ARHGAP15: variants seen among roughly 807,000 people sequenced by gnomAD.
The protein encoded by ARHGAP15 is rho GTPase-activating protein 15.
In ARHGAP15, 51 loss-of-function variants were observed where a neutral mutation model predicts 63.7. The observed-to-expected ratio is 0.80, with a 90% confidence interval of 0.64 to 1.01. The LOEUF is 1.01. Among genes scored for constraint, ARHGAP15 ranks in the 50% least tolerant of loss-of-function variants. The pLI, the probability that ARHGAP15 is intolerant of heterozygous loss-of-function variation, is 0.00. For synonymous variants in ARHGAP15, 191 were observed against 193.8 expected, an observed-to-expected ratio of 0.99 and a Z score of 0.12; for missense variants, 560 against 564.6, an observed-to-expected ratio of 0.99 and a Z score of 0.08.
chr2:143,177,814 A>G (rs1205977388), intron 2 of ARHGAP15, among the ~76,000 whole-genome samples: 1 of 152,184 alleles, frequency 6.6e-6, no homozygotes, highest in Non-Finnish European at 1.5e-5. Flanking sequence ...CATTAAAGAC[A>G]TTTGCAAAAA....
intron 8 of ARHGAP15, among the ~76,000 whole-genome samples, chr2:143,445,466 A>G (rs553364124): frequency 5.1e-4 from 77 of 152,164 alleles, no homozygotes; most frequent in Non-Finnish European, 6.9e-4. Flanking sequence ...CAGCCAGATT[A>G]AGAACAATTT....
At chr2:143,470,679 A>G (rs528146042) in intron 8 of ARHGAP15, among the ~76,000 whole-genome samples, 12 of 140,776 alleles carry the variant, frequency 8.5e-5, no homozygotes, top group Admixed American at 2.3e-4. Flanking sequence ...ATGTGTGTGT[A>G]TATATATATG....
At chr2:143,498,060 C>T (rs1278859929) in intron 9 of ARHGAP15, among the ~76,000 whole-genome samples, 1 of 152,168 alleles carries the variant, frequency 6.6e-6, no homozygotes, top group Admixed American at 6.5e-5. Flanking sequence ...AGAGAGTGCT[C>T]TTTTATTTCC....
intron 6 of ARHGAP15, among the ~76,000 whole-genome samples, chr2:143,402,464 T>C (rs796760972): frequency 2.2e-4 from 32 of 142,238 alleles, no homozygotes; most frequent in African/African-American, 9.7e-4. Context: ...GGCTTATTAG[T>C]GACAGAGAAA....
intron 13 of ARHGAP15, among the ~76,000 whole-genome samples, chr2:143,754,807 C>T (rs534645310): frequency 3.9e-5 from 6 of 152,332 alleles, no homozygotes; most frequent in African/African-American, 1.4e-4. Context: ...TATCTACCTT[C>T]CAATCTACTG....
chr2:143,361,395 G>A (rs1158891053), intron 6 of ARHGAP15, among the ~76,000 whole-genome samples: 1 of 152,118 alleles, frequency 6.6e-6, no homozygotes, highest in East Asian at 1.9e-4. Flanking sequence ...AGAGACCTCT[G>A]TATTTCCGTA....
At chr2:143,134,469 A>T (rs1225954895) in intron 1 of ARHGAP15, among the ~76,000 whole-genome samples, 1 of 152,168 alleles carries the variant, frequency 6.6e-6, no homozygotes, top group Non-Finnish European at 1.5e-5. Flanking sequence ...TTTTTAAAAG[A>T]TTAAAGGTCG....
intron 2 of ARHGAP15, among the ~76,000 whole-genome samples, chr2:143,183,592 G>A (rs1691322816): frequency 6.6e-6 from 1 of 152,036 alleles, no homozygotes; most frequent in African/African-American, 2.4e-5. Flanking sequence ...CACAAAGGGG[G>A]AATAAAAGTG....
intron 6 of ARHGAP15, among the ~76,000 whole-genome samples, chr2:143,301,772 C>CAT (rs749499930): frequency 4.6e-5 from 7 of 151,316 alleles, no homozygotes; most frequent in Admixed American, 2.0e-4. Context: ...ATAATACATA[C>CAT]ATGGACGGAT....
intron 8 of ARHGAP15, among the ~76,000 whole-genome samples, chr2:143,446,422 C>G (rs1690140511): frequency 6.6e-6 from 1 of 151,844 alleles, no homozygotes; most frequent in African/African-American, 2.4e-5. Context: ...GCAGCATAAA[C>G]AAATGCGTAA....
At chr2:143,441,711 C>A (rs979275257) in intron 8 of ARHGAP15, among the ~76,000 whole-genome samples, 1 of 152,048 alleles carries the variant, frequency 6.6e-6, no homozygotes, top group African/African-American at 2.4e-5. Flanking sequence ...AAAACTGACA[C>A]TTTAGTATTG....
intron 9 of ARHGAP15, among the ~76,000 whole-genome samples, chr2:143,493,877 C>T (rs1006839300): frequency 2.6e-5 from 4 of 152,192 alleles, no homozygotes; most frequent in Non-Finnish European, 5.9e-5. Flanking sequence ...TGCCCACACA[C>T]TCGATCAGTA....
At chr2:143,404,471 T>C (rs1404092714) in intron 6 of ARHGAP15, among the ~76,000 whole-genome samples, 1 of 151,906 alleles carries the variant, frequency 6.6e-6, no homozygotes, top group Non-Finnish European at 1.5e-5. Context: ...TTTAATCTAA[T>C]ACAAAAATTT....
chr2:143,583,538 T>G (rs935029812), intron 11 of ARHGAP15, among the ~76,000 whole-genome samples: 4 of 149,320 alleles, frequency 2.7e-5, no homozygotes, highest in Admixed American at 6.7e-5. Flanking sequence ...ATGGGGGGGG[T>G]GGAAGAGGTC....
At position 143,538,892 on chromosome 2, in the gene ARHGAP15, C is replaced by T. The variant is rs550043785; in HGVS notation, c.926-17516C>T. On this transcript the variant is annotated intron_variant, in intron 10 of 13. Coordinates refer to ENST00000295095, the MANE Select transcript of ARHGAP15 (RefSeq NM_018460.4). ...TTTGGTATCAGGACGATGCTGGTCT[C>T]ATAAAATGAGTTAGGGAGGATTCCC... 5.9e-5 allele frequency among the ~76,000 whole-genome samples: 9 copies of T among 152,316 alleles called. No homozygotes were observed. The East Asian group carries it at 1.7e-3, about 29-fold the overall frequency.
intron 13 of ARHGAP15, among the ~76,000 whole-genome samples, chr2:143,756,119 T>C (rs1686566981): frequency 6.6e-6 from 1 of 152,202 alleles, no homozygotes; most frequent in African/African-American, 2.4e-5. Context: ...GCTAAAGATT[T>C]TATGTAGGCG....
intron 10 of ARHGAP15, among the ~76,000 whole-genome samples, chr2:143,538,677 T>C (rs2105037795): frequency 2.0e-5 from 3 of 152,330 alleles, no homozygotes; most frequent in Non-Finnish European, 4.4e-5. Flanking sequence ...TATGCTGGAT[T>C]ACGTTTATTG....
chr2:143,200,298 C>T (rs1245491534), intron 2 of ARHGAP15, among the ~76,000 whole-genome samples: 1 of 151,996 alleles, frequency 6.6e-6, no homozygotes, highest in African/African-American at 2.4e-5. Flanking sequence ...TTACTTTCTT[C>T]ATAACCCAGT....
chr2:143,398,939 C>T (rs1046547733), intron 6 of ARHGAP15, among the ~76,000 whole-genome samples: 7 of 152,012 alleles, frequency 4.6e-5, no homozygotes, highest in African/African-American at 1.7e-4. Flanking sequence ...GAGGCTGATT[C>T]ACTGGTGAAC....
Sources: allele counts gnomAD v4.1 joint callset (sites outside exome capture counted in the v4.1 genomes callset), GRCh38; gene constraint gnomAD v4.1.1; transcripts MANE v1.5; gene names NCBI Gene and HGNC (gene_info 2026-07-23, HGNC 2026-07-21).